The following BCKDHB variants were observed in gnomAD, a reference collection of about 807,000 sequenced individuals.
BCKDHB encodes 2-oxoisovalerate dehydrogenase subunit beta, mitochondrial.
BCKDHB carries 41 observed loss-of-function variants against 48.5 expected under a neutral mutation model. The ratio of observed to expected loss-of-function variants is 0.85; its 90% CI spans 0.66 to 1.10. The LOEUF (loss-of-function observed/expected upper bound fraction) is 1.10. Ranked by LOEUF, BCKDHB falls within the 50% of genes least tolerant of loss-of-function variation. BCKDHB has a pLI of 0.00. For synonymous variants in BCKDHB, 201 were observed against 174.8 expected (o/e 1.15, Z -1.18); for missense variants, 496 against 494.2 (o/e 1.00, Z -0.03).
At chr6:80,212,600 G>A (rs1774990065) in intron 8 of BCKDHB, among the ~76,000 whole-genome samples, 1 of 152,102 alleles carries the variant, frequency 6.6e-6, no homozygotes, top group South Asian at 2.1e-4. Context: ...TATCAGAGTG[G>A]TCCTGAGGTG....
At chr6:80,162,375 T>C (rs180739805) in intron 3 of BCKDHB, among the ~76,000 whole-genome samples, 2 of 152,310 alleles carry the variant, frequency 1.3e-5, no homozygotes, top group East Asian at 3.9e-4. Context: ...TCTGAAAGAA[T>C]GTAAGGGTTC....
intron 1 of BCKDHB, among the ~76,000 whole-genome samples, chr6:80,109,322 A>C (rs929660868): frequency 6.6e-6 from 1 of 152,252 alleles, no homozygotes; most frequent in Non-Finnish European, 1.5e-5. Flanking sequence ...GCATTCAGTC[A>C]ATAAGTGGAA....
At chr6:80,323,345 GTTT>G (rs1027578246) in intron 9 of BCKDHB, among the ~76,000 whole-genome samples, 4 of 151,982 alleles carry the variant, frequency 2.6e-5, no homozygotes, top group Admixed American at 1.3e-4. Context: ...ATTGACTTTT[GTTT>G]TTTTAATTAT....
At chr6:80,399,203 A>T in the BCKDHB span, among the ~76,000 whole-genome samples, 1 of 151,932 alleles carries the variant, frequency 6.6e-6, no homozygotes, top group Non-Finnish European at 1.5e-5. Flanking sequence ...AAAGAAAATG[A>T]TGCTTTCTTT....
At chr6:80,248,283 CT>C (rs1484679213) in intron 8 of BCKDHB, among the ~76,000 whole-genome samples, 1 of 152,046 alleles carries the variant, frequency 6.6e-6, no homozygotes, top group African/African-American at 2.4e-5. Flanking sequence ...TTCTTTGGTT[CT>C]TTTTGGATCT....
At chr6:80,377,422 G>C in the BCKDHB span, among the ~76,000 whole-genome samples, 2 of 151,996 alleles carry the variant, frequency 1.3e-5, no homozygotes, top group Non-Finnish European at 2.9e-5. Flanking sequence ...TTTTGCCAAA[G>C]CCGAGTTCAT....
the BCKDHB span, among the ~76,000 whole-genome samples, chr6:80,404,376 C>A: frequency 5.3e-5 from 8 of 151,822 alleles, no homozygotes; most frequent in Admixed American, 4.6e-4. Flanking sequence ...ATTATAATCT[C>A]TTCTATTCCT....
chr6:80,268,461 C>T lies in BCKDHB; in HGVS notation c.952-4674C>T, dbSNP rs146293972. 5.5e-3 allele frequency among the ~76,000 whole-genome samples: 828 copies of T among 151,910 alleles called. 3 individuals carry two copies. Among genetic ancestry groups the T allele is most frequent in the African/African-American group, 0.019 (767 of 41,434 alleles). On this transcript the variant is annotated intron_variant, in intron 8 of 9. Coordinates refer to ENST00000320393, the MANE Select transcript of BCKDHB (RefSeq NM_183050.4). ...TTTTGCTTTTTATTAGCTTTATATT[C>T]GGATAGAAAATATTAAAAGGGCTAT...
At chr6:80,333,542 G>T (rs1401994119) in intron 9 of BCKDHB, among the ~76,000 whole-genome samples, 1 of 151,980 alleles carries the variant, frequency 6.6e-6, no homozygotes, top group African/African-American at 2.4e-5. Context: ...GCCAGGATGG[G>T]ATGTGCCAAT....
chr6:80,267,978 CA>C (rs1777584694), intron 8 of BCKDHB, among the ~76,000 whole-genome samples: 1 of 152,050 alleles, frequency 6.6e-6, no homozygotes, highest in Non-Finnish European at 1.5e-5. Flanking sequence ...GTAACCCCCT[CA>C]CTAACATCTT....
At chr6:80,393,070 G>T in the BCKDHB span, among the ~76,000 whole-genome samples, 2 of 151,360 alleles carry the variant, frequency 1.3e-5, no homozygotes, top group African/African-American at 4.9e-5. Context: ...TTCATCAATC[G>T]GTATTTAATA....
intron 9 of BCKDHB, among the ~76,000 whole-genome samples, chr6:80,338,069 T>C (rs184453764): frequency 6.6e-6 from 1 of 152,168 alleles, no homozygotes; most frequent in African/African-American, 2.4e-5. Context: ...CTCAAGATGG[T>C]ATATAGTCTT....
chr6:80,199,264 C>T (rs761982614), intron 6 of BCKDHB, among the ~76,000 whole-genome samples: 35 of 152,126 alleles, frequency 2.3e-4, no homozygotes, highest in Non-Finnish European at 2.5e-4. Flanking sequence ...AGAGTGAGAG[C>T]CGTCCACAGC....
the BCKDHB span, among the ~76,000 whole-genome samples, chr6:80,417,606 C>T: frequency 3.3e-5 from 5 of 152,090 alleles, no homozygotes; most frequent in Non-Finnish European, 5.9e-5. Flanking sequence ...ATGTTTAGTT[C>T]GGCCAGATAT....
chr6:80,418,163 G>A, the BCKDHB span, among the ~76,000 whole-genome samples: 2 of 152,036 alleles, frequency 1.3e-5, no homozygotes, highest in Non-Finnish European at 2.9e-5. Flanking sequence ...TTCTTGTATT[G>A]TGTTTTTCAC....
rs1770051678 is a variant in BCKDHB at position 80,343,920 on chromosome 6, A to T, written c.*116A>T. The T allele has an allele frequency of 7.4e-7, 1 of 1,347,472 alleles. No individual in the cohort carries two copies. The highest frequency in any genetic ancestry group is 1.1e-6 in the Non-Finnish European group (1 of 943,774). The allele number at this position is 1,347,472 out of a possible 1,614,324, so 83.5% of individuals were successfully genotyped here. On this transcript the variant is annotated 3_prime_UTR_variant, in exon 10 of 10. Coordinates refer to ENST00000320393, the MANE Select transcript of BCKDHB (RefSeq NM_183050.4). ...TGATGGTAACAAACTTTGATGGTAA[A>T]GTTGGTAAAAGGCAACTTTCAGAAG... is the stretch of plus-strand genomic sequence containing the variant.
At chr6:80,150,194 C>G (rs1231211049) in intron 3 of BCKDHB, among the ~76,000 whole-genome samples, 1 of 152,142 alleles carries the variant, frequency 6.6e-6, no homozygotes, top group Non-Finnish European at 1.5e-5. Context: ...GGACCCTGCT[C>G]ATCTTCTTAT....
intron 9 of BCKDHB, among the ~76,000 whole-genome samples, chr6:80,305,162 TA>T (rs568154633): frequency 3.9e-4 from 60 of 152,256 alleles, no homozygotes; most frequent in African/African-American, 1.4e-3. Flanking sequence ...AATGTTGCTA[TA>T]GATAAACATC....
chr6:80,197,128 C>G, intron 6 of BCKDHB, among the ~76,000 whole-genome samples: 1 of 152,176 alleles, frequency 6.6e-6, no homozygotes, highest in East Asian at 1.9e-4. Context: ...GATTCGTGCT[C>G]TAACTCCTGT....
Sources: allele counts gnomAD v4.1 joint callset (sites outside exome capture counted in the v4.1 genomes callset), GRCh38; gene constraint gnomAD v4.1.1; transcripts MANE v1.5; gene names NCBI Gene and HGNC (gene_info 2026-07-23, HGNC 2026-07-21).